COL24A1: variants seen among roughly 807,000 people sequenced by gnomAD.
The protein encoded by COL24A1 is collagen type XXIV alpha 1 chain, also known as collagen alpha-1(XXIV) chain.
Under a neutral mutation model 253.9 loss-of-function variants are expected in COL24A1, and 224 were observed. The observed-to-expected ratio is 0.88, with a 90% CI of 0.79 to 0.99. The LOEUF (loss-of-function observed/expected upper bound fraction) is 0.99, where lower values mean the gene tolerates loss of function less well. Ranked by LOEUF, COL24A1 falls within the 50% of genes least tolerant of loss-of-function variation. The pLI is 0.00. For missense variants in COL24A1, 2,131 were observed against 2,068.5 expected (o/e 1.03, Z -0.59); for synonymous variants, 685 against 673.7 (o/e 1.02, Z -0.26).
At chr1:85,982,243 T>C (rs1693325867) in intron 20 of COL24A1, among the ~76,000 whole-genome samples, 1 of 152,018 alleles carries the variant, frequency 6.6e-6, no homozygotes, top group African/African-American at 2.4e-5. Flanking sequence ...AAAAATAGGA[T>C]GCTAATTGCC....
intron 3 of COL24A1, among the ~76,000 whole-genome samples, chr1:86,122,573 A>G (rs1045775622): frequency 2.6e-5 from 4 of 151,946 alleles, no homozygotes; most frequent in Non-Finnish European, 4.4e-5. Flanking sequence ...CTCTCCTAAA[A>G]TTGACTTTCC....
intron 2 of COL24A1, among the ~76,000 whole-genome samples, chr1:86,129,223 C>T (rs2102293866): frequency 6.6e-6 from 1 of 151,738 alleles, no homozygotes; most frequent in Admixed American, 6.6e-5. Flanking sequence ...ACATGTATTA[C>T]CCAGAAATCT....
At position 85,909,971 on chromosome 1, in the gene COL24A1, C is replaced by G. The variant is rs1502657; in HGVS notation, c.2649G>C (p.Pro883=). The part of the protein sequence containing the change: ...GERGSPGPLG[P]QGEKGVMGYP... ...TTACCATAACACCTTTTTCTCCCTG[C>G]GGACCTAGTGGGCCTGGACTTCCAC... Residue 883 remains proline (P), a synonymous_variant, in exon 26 of 60, where the codon CCG becomes CCC. Coordinates refer to ENST00000370571, the MANE Select transcript of COL24A1 (RefSeq NM_152890.7). The G allele has an allele frequency of 0.7, 1,118,655 of 1,605,952 alleles. 391,424 individuals carry two copies. The highest frequency in any genetic ancestry group is 0.8 in the East Asian group (35,666 of 44,728).
Position 86,112,586 on chromosome 1 carries a change from G to C in COL24A1, c.1580C>G (p.Pro527Arg). The C allele has an allele frequency of 6.2e-7, 1 of 1,612,968 alleles. No homozygotes were observed. The highest frequency in any genetic ancestry group is 8.5e-7 in the Non-Finnish European group (1 of 1,179,316). The change falls in exon 5 of 60, where the codon CCT becomes CGT. Residue 527 changes from proline to arginine, a missense_variant. Coordinates refer to ENST00000370571, the MANE Select transcript of COL24A1 (RefSeq NM_152890.7). ...IPGPHGNPGL[P>R]GLPGPKGPKG... The stretch of plus-strand genomic sequence containing the variant: ...ACTTACCTTTGGACCAGGTAATCCA[G>C]GTAAACCAGGATTTCCATGTGGCCC...
chr1:86,155,825 C>G (rs1221209477), intron 1 of COL24A1: 2 of 153,606 alleles, frequency 1.3e-5, no homozygotes, highest in African/African-American at 2.4e-5. Context: ...CCACCCCCTT[C>G]CCCCCGCTGG....
chr1:86,033,910 T>C lies in COL24A1; in HGVS notation c.1964A>G (p.Asp655Gly), dbSNP rs1698791895. The change falls in exon 13 of 60, where the codon GAC (aspartate) becomes GGC (glycine). Residue 655 changes from aspartate to glycine, a missense_variant. By Grantham distance (94) the Asp-to-Gly change is moderately conservative. Transcript: ENST00000370571. ...GFKGRQGFPG[D>G]FGDRGPAGLD... Reference sequence around the variant, plus strand: ...ACCAGCAGGGCCTCTGTCTCCAAAGTCACCTGGAAAACCCTGTCACAGGGA... The same window carrying C: ...ACCAGCAGGGCCTCTGTCTCCAAAGCCACCTGGAAAACCCTGTCACAGGGA... 6.3e-7 allele frequency: 1 copy of C among 1,595,170 alleles called. No homozygotes were observed. The highest frequency in any genetic ancestry group is 8.5e-7 in the Non-Finnish European group (1 of 1,172,464).
chr1:85,868,832 C>G lies in COL24A1; in HGVS notation c.3142G>C (p.Glu1048Gln). 1 of 1,585,514 alleles carries G rather than the reference C, an allele frequency of 6.3e-7. No individual in the cohort carries two copies. The highest frequency in any genetic ancestry group is 8.6e-7 in the Non-Finnish European group (1 of 1,166,988). The change falls in exon 36 of 60, where the codon GAA becomes CAA. Residue 1048 changes from glutamate to glutamine, a missense_variant. By Grantham distance (29) the Glu-to-Gln change is conservative. Coordinates refer to ENST00000370571, the MANE Select transcript of COL24A1 (RefSeq NM_152890.7). ...CCTTCTTCTCCAGGAGCTCCTGGTT[C>G]ACCCTATTTTGTAGCAGAAAGAGTA... ...GGTGEPGLRG[E>Q]PGAPGEEGLQ...
chr1:85,925,421 T>C (rs1687075082), intron 24 of COL24A1, among the ~76,000 whole-genome samples: 1 of 152,140 alleles, frequency 6.6e-6, no homozygotes, highest in Admixed American at 6.5e-5. Context: ...GACTTCAAAC[T>C]ATACTACAAG....
intron 24 of COL24A1, among the ~76,000 whole-genome samples, chr1:85,945,299 G>A (rs1273120116): frequency 2.6e-5 from 4 of 151,662 alleles, no homozygotes; most frequent in Admixed American, 2.0e-4. Context: ...GATTACAGGT[G>A]TGAGCCACTG....
intron 52 of COL24A1, among the ~76,000 whole-genome samples, chr1:85,778,023 C>CTATCTA (rs1553173096): frequency 4.7e-5 from 7 of 149,130 alleles, no homozygotes; most frequent in Admixed American, 1.3e-4. Context: ...ATGTCTCTAT[C>CTATCTA]TCTATCTATC....
chr1:85,834,910 A>G (rs1207546767), intron 43 of COL24A1, among the ~76,000 whole-genome samples: 2 of 152,168 alleles, frequency 1.3e-5, no homozygotes, highest in Non-Finnish European at 2.9e-5. Context: ...CTTTTATGAA[A>G]TAACATGAAA....
chr1:86,082,306 CTT>C (rs1702698638), intron 7 of COL24A1, among the ~76,000 whole-genome samples: 1 of 152,128 alleles, frequency 6.6e-6, no homozygotes, highest in Admixed American at 6.5e-5. Flanking sequence ...AGCTTTATCT[CTT>C]GACACCTCCT....
chr1:85,838,098 C>T (rs1230528568), intron 43 of COL24A1, among the ~76,000 whole-genome samples: 1 of 152,098 alleles, frequency 6.6e-6, no homozygotes, highest in African/African-American at 2.4e-5. Flanking sequence ...ACCTACTTGA[C>T]ACCTCTTTAT....
At chr1:86,132,999 G>A (rs1350393612) in intron 2 of COL24A1, among the ~76,000 whole-genome samples, 1 of 95,900 alleles carries the variant, frequency 1.0e-5, no homozygotes, top group Non-Finnish European at 2.2e-5. Context: ...CTACCTATGA[G>A]CACGGAATGT....
intron 11 of COL24A1, among the ~76,000 whole-genome samples, chr1:86,048,310 CTCTA>C (rs1030465160): frequency 6.6e-6 from 1 of 152,054 alleles, no homozygotes; most frequent in African/African-American, 2.4e-5. Context: ...GTTAGCATTA[CTCTA>C]TCTTATTTTC....
chr1:86,014,135 G>T (rs1696787028), intron 19 of COL24A1, among the ~76,000 whole-genome samples: 1 of 152,112 alleles, frequency 6.6e-6, no homozygotes, highest in Non-Finnish European at 1.5e-5. Context: ...AAATGAATTT[G>T]TATATAAGTT....
chr1:86,017,439 T>C (rs1397979183), intron 18 of COL24A1, among the ~76,000 whole-genome samples: 2 of 152,210 alleles, frequency 1.3e-5, no homozygotes, highest in Non-Finnish European at 2.9e-5. Flanking sequence ...AACAAATTAA[T>C]GAGTCAAGTG....
intron 9 of COL24A1, 21 bp downstream of exon 9, chr1:86,059,100 G>A: frequency 6.3e-7 from 1 of 1,576,606 alleles, no homozygotes; most frequent in Non-Finnish European, 8.7e-7. Context: ...AAAGAGAAAA[G>A]TCTAAATATA....
intron 41 of COL24A1, among the ~76,000 whole-genome samples, 160 bp downstream of exon 41, chr1:85,841,908 T>C (rs556982027): frequency 3.9e-5 from 6 of 152,348 alleles, no homozygotes; most frequent in African/African-American, 1.4e-4. Context: ...ATTTAAATTT[T>C]AGCTCCTTGA....
Sources: gnomAD v4.1 joint callset for allele counts (sites outside exome capture counted in the v4.1 genomes callset) on GRCh38, gnomAD v4.1.1 for gene constraint, MANE v1.5 for transcripts, NCBI Gene and HGNC (gene_info 2026-07-23, HGNC 2026-07-21) for gene names.